SCN11A: variants seen among roughly 807,000 people sequenced by gnomAD.
SCN11A encodes sodium channel protein type 11 subunit alpha.
In SCN11A, 122 loss-of-function variants were observed where a neutral mutation model predicts 162.2. The observed-to-expected ratio is 0.75, with a 90% CI of 0.65 to 0.87. The LOEUF is 0.87. Among genes scored for constraint, SCN11A ranks in the 40% least tolerant of loss-of-function variants. The pLI is 0.00. For synonymous variants in SCN11A, 758 were observed against 751.5 expected (o/e 1.01, Z -0.14); for missense variants, 2,015 against 2,181.6 (o/e 0.92, Z 1.52).
chr3:38,867,488 A>C, intron 26 of SCN11A, 30 bp from the exon 27 acceptor site: 1 of 1,554,602 alleles, frequency 6.4e-7, no homozygotes, highest in African/African-American at 1.4e-5. Flanking sequence ...TAAGAGAAAA[A>C]AACAATTACT....
intron 6 of SCN11A, among the ~76,000 whole-genome samples, chr3:38,945,761 T>G (rs1351245941): frequency 6.6e-6 from 1 of 152,212 alleles, no homozygotes; most frequent in African/African-American, 2.4e-5. Context: ...GGCCCTTGCT[T>G]CAAAGTGGGA....
chr3:39,012,758 A>G (rs1322783627), intron 2 of SCN11A, among the ~76,000 whole-genome samples: 3 of 152,186 alleles, frequency 2.0e-5, no homozygotes, highest in East Asian at 3.8e-4. Flanking sequence ...TACAGGCGTG[A>G]GCCACTGTGC....
chr3:38,903,252 A>G (rs1203975819), intron 16 of SCN11A, among the ~76,000 whole-genome samples: 1 of 152,142 alleles, frequency 6.6e-6, no homozygotes, highest in East Asian at 1.9e-4. Flanking sequence ...TGCCTTCCAC[A>G]AGAACCATAA....
Position 39,032,523 on chromosome 3 carries a change from C to CA in SCN11A, c.-403-21dup, listed in dbSNP as rs113326573. ...GACAATCTGAAAACAACAACAACAACAAAAAAAACAAGCTTTATCATTTCA... is the reference window on the plus strand; with the variant it reads ...GACAATCTGAAAACAACAACAACAACAAAAAAAAACAAGCTTTATCATTTCA... On this transcript the variant is annotated intron_variant, in intron 1 of 29. Transcript: ENST00000302328. Among the ~76,000 whole-genome samples, 15,704 of 151,458 alleles carry CA rather than the reference C, an allele frequency of 0.1. 1,038 individuals carry two copies. The highest frequency in any genetic ancestry group is 0.22 in the East Asian group (1,112 of 5,154).
In SCN11A at chr3:38,846,688, G is replaced by A. The variant is rs1310905906; in HGVS notation, c.*6C>T. The A allele has an allele frequency of 6.2e-7, 1 of 1,611,586 alleles. No homozygotes were observed. The highest frequency in any genetic ancestry group is 2.2e-5 in the East Asian group (1 of 44,848). On this transcript the variant is annotated 3_prime_UTR_variant, in exon 30 of 30. Transcript: ENST00000302328. ...GAAGCTATGAGGTAGGCGTGGAGGT[G>A]AGGGCTCAGTCACAGTGGACCTTGC...
rs549314443 is a variant in SCN11A at position 38,943,349 on chromosome 3, C to A, written c.488+2062G>T. On this transcript the variant is annotated intron_variant, in intron 7 of 29. Transcript: ENST00000302328. ...GAATCGGGGATTAACTGCAAAGAGG[C>A]ATGAGACGTTTTGGGGGGTAATTGA... 8.5e-5 allele frequency among the ~76,000 whole-genome samples: 13 copies of A among 152,206 alleles called. No homozygotes were observed. In the South Asian group the frequency reaches 2.7e-3, roughly 32 times the overall value.
chr3:38,874,347 C>G (rs1224437046), intron 23 of SCN11A, among the ~76,000 whole-genome samples: 2 of 152,140 alleles, frequency 1.3e-5, no homozygotes, highest in Admixed American at 6.6e-5. Context: ...CCTGTAATCC[C>G]AGCACTTTGG....
chr3:39,031,995 CA>C (rs202179638), intron 2 of SCN11A, among the ~76,000 whole-genome samples: 13 of 150,240 alleles, frequency 8.7e-5, no homozygotes, highest in African/African-American at 2.7e-4. Context: ...TAAAAACAAA[CA>C]AAAAAAAACC....
At chr3:39,024,799 C>T (rs1009354470) in intron 2 of SCN11A, among the ~76,000 whole-genome samples, 1 of 149,960 alleles carries the variant, frequency 6.7e-6, no homozygotes, top group Non-Finnish European at 1.5e-5. Flanking sequence ...TGCTGGATAT[C>T]CCCAGTCTAT....
chr3:38,967,286 ATG>A (rs1319342543), intron 2 of SCN11A, among the ~76,000 whole-genome samples: 1 of 152,208 alleles, frequency 6.6e-6, no homozygotes, highest in Non-Finnish European at 1.5e-5. Flanking sequence ...AGAAGTGACA[ATG>A]TGTAATTCCT....
intron 7 of SCN11A, among the ~76,000 whole-genome samples, chr3:38,940,049 T>TGTAC (rs1246222591): frequency 7.9e-6 from 1 of 126,270 alleles, no homozygotes; most frequent in African/African-American, 2.6e-5. Context: ...ATAATACTGA[T>TGTAC]GTACATACAT....
chr3:38,893,613 A>G (rs531541382), intron 19 of SCN11A, among the ~76,000 whole-genome samples: 20 of 152,298 alleles, frequency 1.3e-4, no homozygotes, highest in African/African-American at 4.3e-4. Flanking sequence ...ACAATACACT[A>G]TGCCACAAAA....
chr3:38,937,314 A>G (rs1263174095), intron 7 of SCN11A, among the ~76,000 whole-genome samples: 1 of 150,814 alleles, frequency 6.6e-6, no homozygotes, highest in Non-Finnish European at 1.5e-5. Flanking sequence ...AGGCATGGGC[A>G]AGGACTTCAT....
At chr3:39,031,231 C>A (rs961005098) in intron 2 of SCN11A, among the ~76,000 whole-genome samples, 1 of 152,008 alleles carries the variant, frequency 6.6e-6, no homozygotes, top group African/African-American at 2.4e-5. Flanking sequence ...TATTTAAAAC[C>A]GAGGTCTTGG....
chr3:39,030,274 G>A (rs2031713141), intron 2 of SCN11A, among the ~76,000 whole-genome samples: 1 of 152,210 alleles, frequency 6.6e-6, no homozygotes, highest in African/African-American at 2.4e-5. Context: ...AAAACATCTA[G>A]GTTGGTGACA....
At chr3:38,981,138 GAC>G (rs887710623) in intron 2 of SCN11A, among the ~76,000 whole-genome samples, 1 of 152,172 alleles carries the variant, frequency 6.6e-6, no homozygotes, top group African/African-American at 2.4e-5. Flanking sequence ...CCACTAGTAT[GAC>G]ACAGTTTCCA....
chr3:39,024,803 A>T (rs1455092367), intron 2 of SCN11A, among the ~76,000 whole-genome samples: 1 of 128,476 alleles, frequency 7.8e-6, no homozygotes, highest in East Asian at 2.0e-4. Context: ...GGATATCCCC[A>T]GTCTATTAGC....
chr3:38,909,172 T>G lies in SCN11A; in HGVS notation c.1124A>C (p.Tyr375Ser). 1.2e-6 allele frequency: 2 copies of G among 1,613,970 alleles called. No homozygotes were observed. The highest frequency in any genetic ancestry group is 1.7e-6 in the Non-Finnish European group (2 of 1,179,920). Residue 375 changes from tyrosine to serine, a missense_variant, in exon 13 of 30, where the codon TAC (tyrosine) becomes TCC (serine). Tyr to Ser is a moderately radical substitution (Grantham distance 144). Transcript: ENST00000302328. The stretch of plus-strand genomic sequence containing the variant: ...GACCACAATGAAGAAGAAGACTGAG[T>G]AGAGCCCAGTAGTACGCAGGGTCTG... ...YQQTLRTTGL[Y>S]SVFFFIVVIF...
chr3:39,045,673 CCA>C (rs990492827), intron 1 of SCN11A, among the ~76,000 whole-genome samples: 27 of 152,038 alleles, frequency 1.8e-4, no homozygotes, highest in African/African-American at 6.5e-4. Flanking sequence ...TATGACAAAC[CCA>C]CAGCTAGTAT....
Sources: allele counts gnomAD v4.1 joint callset (sites outside exome capture counted in the v4.1 genomes callset), GRCh38; gene constraint gnomAD v4.1.1; transcripts MANE v1.5; gene names NCBI Gene and HGNC (gene_info 2026-07-23, HGNC 2026-07-21).